Variants in MAN1A2 observed in about 807,000 individuals in gnomAD.
MAN1A2 encodes the protein mannosidase alpha class 1A member 2, also known as mannosyl-oligosaccharide 1,2-alpha-mannosidase IB.
MAN1A2 carries 26 observed loss-of-function variants against 75.7 expected under a neutral mutation model. The ratio of observed to expected loss-of-function variants is 0.34; its 90% CI spans 0.25 to 0.48. The LOEUF is 0.48. Ranked by LOEUF, MAN1A2 falls within the 20% of genes least tolerant of loss-of-function variation. MAN1A2 has a pLI of 0.99. For synonymous variants in MAN1A2, 247 were observed against 264.6 expected, an observed-to-expected ratio of 0.93 and a Z score of 0.65; for missense variants, 562 against 775.5, an observed-to-expected ratio of 0.72 and a Z score of 3.27.
At chr1:117,405,330 G>A (rs186872984) in intron 2 of MAN1A2, among the ~76,000 whole-genome samples, 1 of 152,012 alleles carries the variant, frequency 6.6e-6, no homozygotes, top group Non-Finnish European at 1.5e-5. Context: ...CCTGAAGAAA[G>A]AAGACTTTTC....
At chr1:117,466,482 C>T (rs1451760229) in intron 8 of MAN1A2, 55 bp downstream of exon 8, 1 of 1,199,048 alleles carries the variant, frequency 8.3e-7, no homozygotes, top group African/African-American at 1.6e-5. Flanking sequence ...TCTGAAAACT[C>T]TTTGCTTGAT....
At chr1:117,385,975 T>C (rs1653512373) in intron 1 of MAN1A2, among the ~76,000 whole-genome samples, 1 of 152,198 alleles carries the variant, frequency 6.6e-6, no homozygotes, top group South Asian at 2.1e-4. Flanking sequence ...AATTGAGTCC[T>C]TGTTTCTTTA....
At position 117,525,568 on chromosome 1, in the gene MAN1A2, T is replaced by C. The variant is rs1161654098; in HGVS notation, c.*2611T>C. 6.4e-6 allele frequency: 1 copy of C among 155,590 alleles called. No homozygotes were observed. Among genetic ancestry groups the C allele is most frequent in the Non-Finnish European group, 1.4e-5 (1 of 70,006 alleles). 9.6% of individuals were successfully genotyped at this position (155,590 alleles called of 1,614,324 possible). On this transcript the variant is annotated 3_prime_UTR_variant, in exon 13 of 13. Coordinates refer to ENST00000356554, the MANE Select transcript of MAN1A2 (RefSeq NM_006699.5). Reference sequence around the variant, plus strand: ...AAGCCCAGAAATGGTCCTTTTCAGGTGCCTCTTCAAAGAGCTGACACCTTA... The same window carrying C: ...AAGCCCAGAAATGGTCCTTTTCAGGCGCCTCTTCAAAGAGCTGACACCTTA...
chr1:117,499,557 A>G lies in MAN1A2; in HGVS notation c.1677+3A>G. 1 of 1,592,184 alleles carries G rather than the reference A, an allele frequency of 6.3e-7. No individual in the cohort carries two copies. The highest frequency in any genetic ancestry group is 8.5e-7 in the Non-Finnish European group (1 of 1,169,700). The stretch of plus-strand genomic sequence containing the variant: ...AGTGGGGCTGGGAAGCAGCACTGGT[A>G]AATAAGCCAATATTCCATTTTATCT... On this transcript the variant is annotated splice_donor_region_variant and intron_variant, in intron 11 of 12. Coordinates refer to ENST00000356554, the MANE Select transcript of MAN1A2 (RefSeq NM_006699.5).
intron 3 of MAN1A2, among the ~76,000 whole-genome samples, chr1:117,410,522 C>T (rs1647772319): frequency 1.3e-5 from 2 of 151,468 alleles, no homozygotes; most frequent in Admixed American, 1.3e-4. Context: ...TATATGCTTT[C>T]CCCTAAGATT....
intron 6 of MAN1A2, among the ~76,000 whole-genome samples, chr1:117,450,770 A>T (rs61805791): frequency 0.11 from 17,159 of 152,188 alleles, 1,059 homozygotes; most frequent in Non-Finnish European, 0.14. Context: ...TGTGGTGTTG[A>T]GCCTGCCAGT....
chr1:117,453,170 G>T (rs1649476748), intron 6 of MAN1A2, among the ~76,000 whole-genome samples: 1 of 152,176 alleles, frequency 6.6e-6, no homozygotes, highest in African/African-American at 2.4e-5. Context: ...ATTTTCTACA[G>T]TGAAGATGCC....
At chr1:117,369,205 A>G (rs1013595139) in intron 1 of MAN1A2, among the ~76,000 whole-genome samples, 55 of 152,334 alleles carry the variant, frequency 3.6e-4, no homozygotes, top group African/African-American at 1.2e-3. Context: ...GTGTCAAGCA[A>G]CTATTGGAAT....
Position 117,526,605 on chromosome 1 carries a change from A to G in MAN1A2, c.*3648A>G, listed in dbSNP as rs1357747193. 1 of 151,380 alleles carries G rather than the reference A, an allele frequency of 6.6e-6. No homozygotes were observed. The highest frequency in any genetic ancestry group is 1.5e-5 in the Non-Finnish European group (1 of 67,650). 9.4% of individuals were successfully genotyped at this position (151,380 alleles called of 1,614,324 possible). A position where few individuals can be genotyped will look rare whatever the true frequency, so the allele number is the denominator to read the frequency against. On this transcript the variant is annotated 3_prime_UTR_variant, in exon 13 of 13. Transcript: ENST00000356554. ...GCATAATTAAAAAGCAGTGTTTTATAGAAATGCTGGTTATTTTATATTCAA... is the reference window on the plus strand; with the variant it reads ...GCATAATTAAAAAGCAGTGTTTTATGGAAATGCTGGTTATTTTATATTCAA...
At chr1:117,428,879 A>G (rs1268592663) in intron 5 of MAN1A2, among the ~76,000 whole-genome samples, 2 of 121,398 alleles carry the variant, frequency 1.6e-5, no homozygotes, top group Non-Finnish European at 3.3e-5. Context: ...ATGGGACAAT[A>G]GTGGAGGGAA....
chr1:117,439,050 G>T (rs997269798), intron 5 of MAN1A2, among the ~76,000 whole-genome samples: 1 of 152,146 alleles, frequency 6.6e-6, no homozygotes, highest in Non-Finnish European at 1.5e-5. Flanking sequence ...AGTGGGTGAG[G>T]ATATTTTTTG....
intron 12 of MAN1A2, among the ~76,000 whole-genome samples, chr1:117,514,361 CAA>C (rs11335667): frequency 0.23 from 31,329 of 139,186 alleles, 4,312 homozygotes; most frequent in East Asian, 0.42. Flanking sequence ...GACTCCATCT[CAA>C]AAAAAAAAAA....
At chr1:117,498,582 T>G (rs575111259) in intron 10 of MAN1A2, among the ~76,000 whole-genome samples, 1 of 152,032 alleles carries the variant, frequency 6.6e-6, no homozygotes, top group Non-Finnish European at 1.5e-5. Flanking sequence ...ATAATGACAT[T>G]GCTGATGCTG....
intron 3 of MAN1A2, among the ~76,000 whole-genome samples, chr1:117,412,394 G>A (rs1029292039): frequency 6.6e-6 from 1 of 151,380 alleles, no homozygotes; most frequent in Non-Finnish European, 1.5e-5. Context: ...TTTTAAAAAC[G>A]AGGTTAATGG....
At chr1:117,402,694 T>C (rs1014287194) in intron 2 of MAN1A2, among the ~76,000 whole-genome samples, 2 of 152,070 alleles carry the variant, frequency 1.3e-5, no homozygotes, top group Non-Finnish European at 2.9e-5. Flanking sequence ...CATTCTTTGT[T>C]CAGAGATCTT....
At chr1:117,495,171 G>A (rs950978146) in intron 9 of MAN1A2, among the ~76,000 whole-genome samples, 1 of 151,400 alleles carries the variant, frequency 6.6e-6, no homozygotes, top group African/African-American at 2.4e-5. Context: ...TGAATCATCT[G>A]CTATATGTTA....
chr1:117,457,240 A>G (rs1649633130), intron 6 of MAN1A2, among the ~76,000 whole-genome samples: 1 of 152,094 alleles, frequency 6.6e-6, no homozygotes, highest in Non-Finnish European at 1.5e-5. Flanking sequence ...GGTAAGAGAA[A>G]CATACGTTTT....
intron 1 of MAN1A2, among the ~76,000 whole-genome samples, chr1:117,389,634 T>G (rs933945162): frequency 7.2e-5 from 11 of 152,158 alleles, no homozygotes; most frequent in African/African-American, 2.7e-4. Context: ...GGTAGTGATT[T>G]TTAGTATTTT....
At chr1:117,382,798 T>G (rs1653395364) in intron 1 of MAN1A2, among the ~76,000 whole-genome samples, 1 of 152,212 alleles carries the variant, frequency 6.6e-6, no homozygotes, top group Admixed American at 6.5e-5. Flanking sequence ...ACAATATTGA[T>G]TCTTCCTACC....
Sources: allele counts gnomAD v4.1 joint callset (sites outside exome capture counted in the v4.1 genomes callset), GRCh38; gene constraint gnomAD v4.1.1; transcripts MANE v1.5; gene names NCBI Gene and HGNC (gene_info 2026-07-23, HGNC 2026-07-21).